The following JMJD1C variants were observed in gnomAD, a reference collection of about 807,000 sequenced individuals.
JMJD1C encodes jumonji domain containing 1C.
JMJD1C carries 31 observed loss-of-function variants against 245.3 expected under a neutral mutation model. The observed-to-expected ratio is 0.13, with a 90% CI of 0.09 to 0.17. The LOEUF is 0.17. Ranked by LOEUF, JMJD1C falls within the 10% of genes least tolerant of loss-of-function variation. The pLI, the probability that JMJD1C is intolerant of heterozygous loss-of-function variation, is 1.00. For missense variants in JMJD1C, 2,691 were observed against 3,000.2 expected, an observed-to-expected ratio of 0.90 and a Z score of 2.41; for synonymous variants, 1,057 against 1,017.4, an observed-to-expected ratio of 1.04 and a Z score of -0.74.
chr10:63,431,226 C>CT (rs774671572), intron 1 of JMJD1C, among the ~76,000 whole-genome samples: 33 of 152,144 alleles, frequency 2.2e-4, no homozygotes, highest in Non-Finnish European at 4.9e-4. Context: ...ACATTAATCA[C>CT]TTCTGCTTTC....
At chr10:63,176,216 A>G in intron 24 of JMJD1C, 81 bp downstream of exon 24, 1 of 931,804 alleles carries the variant, frequency 1.1e-6, no homozygotes, top group Non-Finnish European at 1.6e-6. Flanking sequence ...TTCCATTTAT[A>G]TCTATACTAA....
At chr10:63,178,314 T>C (rs368130171) in intron 22 of JMJD1C, among the ~76,000 whole-genome samples, 8 of 152,142 alleles carry the variant, frequency 5.3e-5, no homozygotes, top group East Asian at 3.8e-4. Flanking sequence ...AATAGATAAG[T>C]GGATACAAAG....
At chr10:63,251,841 G>A (rs1469679695) in intron 3 of JMJD1C, among the ~76,000 whole-genome samples, 8 of 152,034 alleles carry the variant, frequency 5.3e-5, no homozygotes, top group African/African-American at 1.4e-4. Flanking sequence ...GTAAAACCCC[G>A]CCTCTACTAA....
chr10:63,395,092 A>C (rs1948390667), intron 1 of JMJD1C, among the ~76,000 whole-genome samples: 2 of 152,194 alleles, frequency 1.3e-5, no homozygotes, highest in Non-Finnish European at 2.9e-5. Flanking sequence ...ACAGGCAGCA[A>C]GTAAGCACAT....
chr10:63,218,844 TAAATC>T (rs1274601508), intron 4 of JMJD1C, among the ~76,000 whole-genome samples: 2 of 152,158 alleles, frequency 1.3e-5, no homozygotes, highest in African/African-American at 4.8e-5. Context: ...TTTTAAAAAA[TAAATC>T]AAACCTGTTA....
chr10:63,281,094 AG>A (rs1467877580), intron 2 of JMJD1C, among the ~76,000 whole-genome samples: 1 of 149,826 alleles, frequency 6.7e-6, no homozygotes, highest in Non-Finnish European at 1.5e-5. Context: ...CGCCTTCCAA[AG>A]TGCTGGGATT....
At position 63,213,366 on chromosome 10, in the gene JMJD1C, A is replaced by G. The variant is rs563780984; in HGVS notation, c.2694+107T>C. The G allele has an allele frequency of 2.6e-5, 19 of 731,818 alleles. No homozygotes were observed. In the East Asian group the frequency reaches 3.8e-4, roughly 15 times the overall value. The allele number at this position is 731,818 out of a possible 1,614,324, so 45.3% of individuals were successfully genotyped here. A position where few individuals can be genotyped will look rare whatever the true frequency, so the allele number is the denominator to read the frequency against. ...GGAAAAACAACCGAAAAATTCTAAC[A>G]TATTTTATAATAGGAAATGACCTAA... On this transcript the variant is annotated intron_variant, in intron 8 of 25. Transcript: ENST00000399262.
chr10:63,262,881 G>A lies in JMJD1C; in HGVS notation c.447+1770C>T, dbSNP rs904743687. On this transcript the variant is annotated intron_variant, in intron 3 of 25. Coordinates refer to ENST00000399262, the MANE Select transcript of JMJD1C (RefSeq NM_032776.3). ...TCATTGTAATTTTCAAAAACATGTCGAGTTTTAGGCCACCTGGCAAGAGTT... is the reference window on the plus strand; with the variant it reads ...TCATTGTAATTTTCAAAAACATGTCAAGTTTTAGGCCACCTGGCAAGAGTT... Among the ~76,000 whole-genome samples the A allele has an allele frequency of 4.0e-5, 6 of 151,470 alleles. No individual in the cohort carries two copies. In the Admixed American group the frequency reaches 4.0e-4, roughly 10 times the overall value.
intron 8 of JMJD1C, among the ~76,000 whole-genome samples, chr10:63,212,711 T>C (rs566051400): frequency 2.6e-5 from 4 of 152,072 alleles, no homozygotes; most frequent in Non-Finnish European, 5.9e-5. Context: ...ATCTGGAGAA[T>C]ATAACAATTT....
intron 24 of JMJD1C, among the ~76,000 whole-genome samples, chr10:63,173,476 C>T (rs4481919): frequency 0.012 from 1,887 of 152,292 alleles, 15 homozygotes; most frequent in Non-Finnish European, 0.017. Context: ...AATCCCAACA[C>T]TTTGGGAGGC....
intron 1 of JMJD1C, among the ~76,000 whole-genome samples, chr10:63,496,983 T>C (rs974165833): frequency 6.6e-6 from 1 of 152,182 alleles, no homozygotes; most frequent in Non-Finnish European, 1.5e-5. Flanking sequence ...AATTATAACA[T>C]GTAACATATG....
At chr10:63,514,057 A>C (rs920003385) in intron 1 of JMJD1C, among the ~76,000 whole-genome samples, 1 of 152,240 alleles carries the variant, frequency 6.6e-6, no homozygotes, top group Non-Finnish European at 1.5e-5. Context: ...TATCAGAGAA[A>C]TGCAAATCAA....
chr10:63,177,561 A>T, intron 23 of JMJD1C, 156 bp downstream of exon 23: 1 of 710,060 alleles, frequency 1.4e-6, no homozygotes, highest in Non-Finnish European at 2.3e-6. Flanking sequence ...GAGGAGCAAG[A>T]GAAACAGGGT....
intron 1 of JMJD1C, among the ~76,000 whole-genome samples, chr10:63,411,886 A>C (rs1020851760): frequency 6.6e-6 from 1 of 151,140 alleles, no homozygotes. Context: ...TACAGGCGTA[A>C]GCCACAGCGC....
intron 2 of JMJD1C, among the ~76,000 whole-genome samples, chr10:63,322,862 G>T (rs1180463014): frequency 6.7e-6 from 1 of 148,896 alleles, no homozygotes; most frequent in Non-Finnish European, 1.5e-5. Context: ...GCACAGTTGA[G>T]GAAAGAACAG....
chr10:63,218,720 T>C (rs1445501075), intron 4 of JMJD1C, among the ~76,000 whole-genome samples: 3 of 152,096 alleles, frequency 2.0e-5, no homozygotes, highest in Admixed American at 2.0e-4. Flanking sequence ...TATTATTTTT[T>C]AAAAATTTGC....
chr10:63,506,677 C>T (rs1442592611), intron 1 of JMJD1C, among the ~76,000 whole-genome samples: 1 of 152,042 alleles, frequency 6.6e-6, no homozygotes, highest in African/African-American at 2.4e-5. Context: ...TCCCATTTAC[C>T]GCCTGTCCCT....
intron 2 of JMJD1C, among the ~76,000 whole-genome samples, chr10:63,327,466 C>T (rs1234901426): frequency 6.6e-6 from 1 of 152,016 alleles, no homozygotes; most frequent in East Asian, 1.9e-4. Flanking sequence ...CCTTTTAGTG[C>T]TGGCAGAAGA....
intron 2 of JMJD1C, among the ~76,000 whole-genome samples, chr10:63,268,132 G>A (rs557441150): frequency 5.3e-5 from 8 of 149,636 alleles, no homozygotes; most frequent in Non-Finnish European, 1.0e-4. Flanking sequence ...AAAAAAACAG[G>A]CTTATTAACT....
Sources: allele counts gnomAD v4.1 joint callset (sites outside exome capture counted in the v4.1 genomes callset), GRCh38; gene constraint gnomAD v4.1.1; transcripts MANE v1.5; gene names NCBI Gene and HGNC (gene_info 2026-07-23, HGNC 2026-07-21).